KAZN: variants seen among roughly 807,000 people sequenced by gnomAD.
The protein encoded by KAZN is kazrin.
A neutral mutation model predicts 87.4 loss-of-function variants in KAZN; 40 were observed. The observed-to-expected ratio is 0.46, with a 90% CI of 0.36 to 0.60. The LOEUF is 0.60. KAZN is among the 20% of genes least tolerant of loss of function. The pLI is 0.00. For synonymous variants in KAZN, 466 were observed against 458.3 expected (o/e 1.02, Z -0.22); for missense variants, 898 against 1,073.9 (o/e 0.84, Z 2.29).
At chr1:14,100,321 CA>C (rs550794603) in intron 1 of KAZN, among the ~76,000 whole-genome samples, 4 of 152,204 alleles carry the variant, frequency 2.6e-5, no homozygotes, top group Non-Finnish European at 5.9e-5. Context: ...AGCTCGACCT[CA>C]GATATGTCCC....
chr1:14,057,786 G>A (rs1019507518), intron 1 of KAZN, among the ~76,000 whole-genome samples: 3 of 152,310 alleles, frequency 2.0e-5, no homozygotes, highest in Admixed American at 1.3e-4. Flanking sequence ...CTTCCAAAAT[G>A]TATGCTTCAT....
At position 14,836,185 on chromosome 1, in the gene KAZN, T is replaced by C. The variant is rs145346281; in HGVS notation, c.227-124499T>C. ...GCCTGCATGCCCACCTCCCCTCTGG[T>C]GCTCGCTAAAGACTCCAGGTCCCCT... On this transcript the variant is annotated intron_variant, in intron 1 of 14. Transcript: ENST00000376030. 5.3e-5 allele frequency among the ~76,000 whole-genome samples: 8 copies of C among 152,252 alleles called. No individual in the cohort carries two copies. The East Asian group carries it at 1.5e-3, about 29-fold the overall frequency.
intron 1 of KAZN, among the ~76,000 whole-genome samples, chr1:14,825,592 G>A (rs1646860969): frequency 6.6e-6 from 1 of 152,156 alleles, no homozygotes; most frequent in African/African-American, 2.4e-5. Context: ...TTCCAGGCAA[G>A]CAAACTGAGG....
rs1570855101 is a variant in KAZN, at chr1:14,143,292, C to A, written c.92-37143C>A. On this transcript the variant is annotated intron_variant, in intron 1 of 16. Coordinates refer to the KAZN transcript ENST00000636203. ...TTTAAAAGCCAAATAATCCCTGAGG[C>A]TTGACATGGAAAACACCAGCCTGTT... 3.9e-5 allele frequency among the ~76,000 whole-genome samples: 6 copies of A among 152,296 alleles called. No homozygotes were observed. In the South Asian group the frequency reaches 1.2e-3, roughly 32 times the overall value.
At chr1:15,095,340 G>A (rs1640761269) in intron 10 of KAZN, among the ~76,000 whole-genome samples, 1 of 152,224 alleles carries the variant, frequency 6.6e-6, no homozygotes, top group African/African-American at 2.4e-5. Flanking sequence ...CAGAGCCGAG[G>A]CAGGCAGAGA....
At chr1:15,102,848 G>A (rs1244033651) in intron 11 of KAZN, among the ~76,000 whole-genome samples, 2 of 152,256 alleles carry the variant, frequency 1.3e-5, no homozygotes, top group African/African-American at 4.8e-5. Flanking sequence ...AGCGAGGACA[G>A]CAGCAGTGCC....
intron 1 of KAZN, among the ~76,000 whole-genome samples, chr1:14,632,569 C>CT (rs36056434): frequency 0.3 from 39,543 of 131,136 alleles, 5,818 homozygotes; most frequent in African/African-American, 0.37. Flanking sequence ...TTCTTTTGGG[C>CT]TTTTTTTTTT....
At chr1:14,833,352 C>A (rs1239311748) in intron 1 of KAZN, among the ~76,000 whole-genome samples, 1 of 152,142 alleles carries the variant, frequency 6.6e-6, no homozygotes, top group Non-Finnish European at 1.5e-5. Context: ...GAGTACTTGA[C>A]CTTTATGCAG....
At chr1:14,883,369 A>AAGAAAGAG (rs1653644389) in intron 1 of KAZN, among the ~76,000 whole-genome samples, 1 of 93,988 alleles carries the variant, frequency 1.1e-5, no homozygotes, top group African/African-American at 4.1e-5. Flanking sequence ...GAAAGAAAGA[A>AAGAAAGAG]AGAAAGAAAG....
chr1:14,995,021 G>A (rs1557696833), intron 2 of KAZN, among the ~76,000 whole-genome samples: 1 of 152,264 alleles, frequency 6.6e-6, no homozygotes, highest in Non-Finnish European at 1.5e-5. Context: ...CTGGCAGGAG[G>A]AGGCTGAGTC....
intron 1 of KAZN, among the ~76,000 whole-genome samples, chr1:14,007,305 C>G (rs1640079643): frequency 6.6e-6 from 1 of 152,110 alleles, no homozygotes; most frequent in South Asian, 2.1e-4. Flanking sequence ...TGACTTCTTC[C>G]TTTTTGATTT....
chr1:13,893,593 G>T (rs1426557373), exon 1 of KAZN: 2 of 1,516,612 alleles, frequency 1.3e-6, no homozygotes, highest in Admixed American at 2.2e-5. Context: ...GGCCAGCGAC[G>T]GCATCCTTTG....
In KAZN at chr1:14,086,110, C is replaced by G. The variant is rs980423072; in HGVS notation, c.92-94325C>G. Among the ~76,000 whole-genome samples the G allele has an allele frequency of 6.2e-4, 94 of 152,136 alleles. 2 individuals carry two copies. The highest frequency in any genetic ancestry group is 6.2e-3 in the Admixed American group (94 of 15,274). On this transcript the variant is annotated intron_variant, in intron 1 of 16. Coordinates refer to the KAZN transcript ENST00000636203. Reference sequence around the variant, plus strand: ...ATTTGTTGGATATTTTGATTTCATACAATTGAGTTTTAGGAGTTCTTCATA... The same window carrying G: ...ATTTGTTGGATATTTTGATTTCATAGAATTGAGTTTTAGGAGTTCTTCATA...
intron 1 of KAZN, among the ~76,000 whole-genome samples, chr1:14,601,458 G>A (rs1213848884): frequency 1.3e-5 from 2 of 151,936 alleles, no homozygotes; most frequent in African/African-American, 2.4e-5. Flanking sequence ...TGATGGGGGC[G>A]GGAGTTGTTT....
At chr1:14,320,471 A>G (rs1655973580) in intron 2 of KAZN, among the ~76,000 whole-genome samples, 1 of 152,122 alleles carries the variant, frequency 6.6e-6, no homozygotes, top group African/African-American at 2.4e-5. Flanking sequence ...CTGCTTCCAA[A>G]TGATCACAGG....
chr1:13,961,571 A>G (rs113151137), intron 1 of KAZN, among the ~76,000 whole-genome samples: 20 of 152,296 alleles, frequency 1.3e-4, no homozygotes, highest in South Asian at 4.2e-4. Context: ...CTCCACTGCA[A>G]TTATCCAGAA....
Position 15,056,220 on chromosome 1 carries a change from A to G in KAZN, c.856A>G (p.Ile286Val). ...VQADLPLTAAIRQSQQTLYHS... is the reference protein window; with the variant it reads ...VQADLPLTAAVRQSQQTLYHS... The stretch of plus-strand genomic sequence containing the variant: ...GGCGGACCTCCCGCTGACCGCAGCC[A>G]TCCGGCAGAGTCAACAGACTCTCTA... The change falls in exon 5 of 15, where the codon ATC becomes GTC. Residue 286 changes from isoleucine to valine, a missense_variant. Transcript: ENST00000376030. The surrounding 1 kb of genome is among the most constrained non-coding windows in gnomAD (Gnocchi z 5.4). 6.2e-7 allele frequency: 1 copy of G among 1,614,090 alleles called. No homozygotes were observed. Among genetic ancestry groups the G allele is most frequent in the Non-Finnish European group, 8.5e-7 (1 of 1,179,980 alleles).
intron 1 of KAZN, among the ~76,000 whole-genome samples, chr1:14,633,605 C>A (rs1679739363): frequency 1.3e-5 from 2 of 152,142 alleles, no homozygotes; most frequent in South Asian, 4.2e-4. Context: ...AATGTGTGTT[C>A]CTCGAAGCCG....
intron 2 of KAZN, among the ~76,000 whole-genome samples, chr1:14,399,955 A>T (rs1663247016): frequency 6.6e-6 from 1 of 152,144 alleles, no homozygotes; most frequent in Non-Finnish European, 1.5e-5. Flanking sequence ...TTGTGTATCA[A>T]GCTCTCAGTA....
Sources: gnomAD v4.1 joint callset for allele counts (sites outside exome capture counted in the v4.1 genomes callset) on GRCh38, gnomAD v4.1.1 for gene constraint, Gnocchi (gnomAD v3.1) non-coding constraint, MANE v1.5 for transcripts, NCBI Gene and HGNC (gene_info 2026-07-23, HGNC 2026-07-21) for gene names.